Variants in TENM3 observed in about 807,000 individuals in gnomAD.
The protein encoded by TENM3 is teneurin transmembrane protein 3.
A neutral mutation model predicts 255.1 loss-of-function variants in TENM3; 63 were observed. That is an observed-to-expected ratio of 0.25 (90% confidence interval 0.20 to 0.30). TENM3 has a LOEUF of 0.30. Ranked by LOEUF, TENM3 falls within the 10% of genes least tolerant of loss-of-function variation. The pLI, the probability that TENM3 is intolerant of heterozygous loss-of-function variation, is 1.00. For missense variants in TENM3, 2,929 were observed against 3,461.1 expected (o/e 0.85, Z 3.86); for synonymous variants, 1,306 against 1,322.3 (o/e 0.99, Z 0.27).
At chr4:182,163,939 A>T (rs1751526261) in intron 1 of TENM3, among the ~76,000 whole-genome samples, 2 of 152,148 alleles carry the variant, frequency 1.3e-5, no homozygotes, top group African/African-American at 4.8e-5. Flanking sequence ...GCAATGTCAT[A>T]GATTCCCATG....
chr4:181,852,754 T>C, the TENM3 span, among the ~76,000 whole-genome samples: 16 of 152,246 alleles, frequency 1.1e-4, no homozygotes, highest in Admixed American at 1.0e-3. Context: ...TCATCTCATG[T>C]AATTCTCACA....
At chr4:182,357,079 G>A (rs1310511615) in intron 3 of TENM3, among the ~76,000 whole-genome samples, 1 of 152,064 alleles carries the variant, frequency 6.6e-6, no homozygotes, top group Non-Finnish European at 1.5e-5. Context: ...AGTATTCCAT[G>A]GTGTATATGT....
the TENM3 span, among the ~76,000 whole-genome samples, chr4:181,498,498 A>T: frequency 6.6e-6 from 1 of 152,204 alleles, no homozygotes; most frequent in Non-Finnish European, 1.5e-5. Flanking sequence ...ATGGTAAAGG[A>T]TGCCACATGA....
intron 3 of TENM3, among the ~76,000 whole-genome samples, chr4:182,484,608 T>C (rs528446743): frequency 1.3e-5 from 2 of 152,192 alleles, no homozygotes; most frequent in South Asian, 4.1e-4. Flanking sequence ...TAAAATTTTG[T>C]ATGTCAGGAA....
chr4:182,744,801 T>G (rs1761885146), intron 19 of TENM3, among the ~76,000 whole-genome samples: 1 of 152,180 alleles, frequency 6.6e-6, no homozygotes, highest in South Asian at 2.1e-4. Flanking sequence ...GAAATGACTT[T>G]CTTCAAAGTG....
At chr4:182,601,771 A>G (rs1190568329) in intron 4 of TENM3, among the ~76,000 whole-genome samples, 2 of 152,184 alleles carry the variant, frequency 1.3e-5, no homozygotes, top group Non-Finnish European at 1.5e-5. Flanking sequence ...TTTCCCTACA[A>G]TGAACTGAAA....
intron 22 of TENM3, 24 bp from the exon 23 acceptor site, chr4:182,773,448 C>T (rs746904773): frequency 6.4e-7 from 1 of 1,566,158 alleles, no homozygotes. Flanking sequence ...TATTTAACAC[C>T]AAGTTAATGC....
chr4:182,181,990 C>T (rs1400030702), intron 1 of TENM3, among the ~76,000 whole-genome samples: 1 of 151,566 alleles, frequency 6.6e-6, no homozygotes, highest in Non-Finnish European at 1.5e-5. Context: ...AGCACATGCC[C>T]ATATGTTCAG....
intron 3 of TENM3, among the ~76,000 whole-genome samples, chr4:182,594,085 C>A (rs1455120064): frequency 2.6e-5 from 4 of 152,138 alleles, no homozygotes; most frequent in Admixed American, 1.3e-4. Flanking sequence ...CTAGGCCGAA[C>A]TTCATGACTA....
chr4:182,653,680 T>G, intron 5 of TENM3, 91 bp from the exon 6 acceptor site: 1 of 1,387,734 alleles, frequency 7.2e-7, no homozygotes, highest in South Asian at 1.6e-5. Context: ...ATTGTAACTT[T>G]ACATATGACT....
chr4:181,862,344 C>T, the TENM3 span, among the ~76,000 whole-genome samples: 4 of 152,052 alleles, frequency 2.6e-5, no homozygotes, highest in Non-Finnish European at 4.4e-5. Flanking sequence ...TACTATATTT[C>T]TCATAAAATG....
At chr4:182,442,509 AC>A (rs1001978622) in intron 3 of TENM3, among the ~76,000 whole-genome samples, 10 of 152,194 alleles carry the variant, frequency 6.6e-5, no homozygotes, top group African/African-American at 2.4e-4. Flanking sequence ...TCCTTTCTAA[AC>A]AATCAAAACA....
chr4:181,794,394 A>C, the TENM3 span, among the ~76,000 whole-genome samples: 1 of 152,066 alleles, frequency 6.6e-6, no homozygotes, highest in Non-Finnish European at 1.5e-5. Context: ...CCAGAAATTT[A>C]TTCATTCTGT....
At chr4:181,545,973 A>G in the TENM3 span, among the ~76,000 whole-genome samples, 1 of 152,230 alleles carries the variant, frequency 6.6e-6, no homozygotes, top group Non-Finnish European at 1.5e-5. Context: ...AGGAGTAAAT[A>G]TAATGATGGG....
chr4:182,412,000 G>A (rs531630240), intron 3 of TENM3, among the ~76,000 whole-genome samples: 72 of 152,302 alleles, frequency 4.7e-4, no homozygotes, highest in African/African-American at 1.5e-3. Flanking sequence ...GGTAGAGTTT[G>A]CTTCCTACAG....
intron 1 of TENM3, among the ~76,000 whole-genome samples, chr4:182,150,909 G>C (rs1024700440): frequency 1.3e-5 from 2 of 152,066 alleles, no homozygotes; most frequent in African/African-American, 4.8e-5. Context: ...CTGAATAAGA[G>C]GGTGACGTGG....
At chr4:182,408,832 A>T (rs899173663) in intron 3 of TENM3, among the ~76,000 whole-genome samples, 3 of 152,242 alleles carry the variant, frequency 2.0e-5, no homozygotes, top group South Asian at 2.1e-4. Flanking sequence ...CACTCAAAAA[A>T]TGAATCACAT....
At chr4:182,483,559 T>G (rs1734406632) in intron 3 of TENM3, among the ~76,000 whole-genome samples, 1 of 152,238 alleles carries the variant, frequency 6.6e-6, no homozygotes, top group African/African-American at 2.4e-5. Flanking sequence ...GAGCAATGTG[T>G]GATCCCATAT....
chr4:181,852,524 A>G, the TENM3 span, among the ~76,000 whole-genome samples: 2 of 152,146 alleles, frequency 1.3e-5, no homozygotes, highest in African/African-American at 4.8e-5. Flanking sequence ...GTTTGTTGCA[A>G]GGGGTTTTAT....
Sources: gnomAD v4.1 joint callset for allele counts (sites outside exome capture counted in the v4.1 genomes callset) on GRCh38, gnomAD v4.1.1 for gene constraint, MANE v1.5 for transcripts, NCBI Gene and HGNC (gene_info 2026-07-23, HGNC 2026-07-21) for gene names.